CPM: variants seen among roughly 807,000 people sequenced by gnomAD.
CPM encodes the protein renal carboxypeptidase.
In CPM, 35 loss-of-function variants were observed where a neutral mutation model predicts 46.4. The observed-to-expected ratio is 0.75, with a 90% CI of 0.58 to 1.00. CPM has a LOEUF of 1.00. Ranked by LOEUF, CPM falls within the 50% of genes least tolerant of loss-of-function variation. The probability of loss-of-function intolerance (pLI) is 0.00; values close to 1 mark genes in which losing one functional copy is unlikely to be tolerated. For synonymous variants in CPM, 195 were observed against 195.3 expected (o/e 1.00, Z 0.01); for missense variants, 422 against 530.4 (o/e 0.80, Z 2.01).
At chr12:68,918,335 T>C (rs1204120770) in intron 2 of CPM, among the ~76,000 whole-genome samples, 2 of 152,196 alleles carry the variant, frequency 1.3e-5, no homozygotes, top group Admixed American at 6.5e-5. Flanking sequence ...ACCATTTCTA[T>C]GTTGATGACT....
chr12:68,950,266 TC>T (rs1212611654), intron 1 of CPM, among the ~76,000 whole-genome samples: 1 of 152,182 alleles, frequency 6.6e-6, no homozygotes, highest in Non-Finnish European at 1.5e-5. Flanking sequence ...CTAAGGTATA[TC>T]TTCATTCGCC....
intron 6 of CPM, 103 bp from the exon 7 acceptor site, chr12:68,867,151 G>A: frequency 2.6e-6 from 3 of 1,150,340 alleles, no homozygotes; most frequent in Admixed American, 2.1e-5. Context: ...CATGTAAACA[G>A]GAAAAAATGA....
chr12:68,886,020 T>A, intron 2 of CPM, 131 bp from the exon 3 acceptor site: 1 of 668,822 alleles, frequency 1.5e-6, no homozygotes, highest in Non-Finnish European at 2.6e-6. Context: ...CTTAAGTTTG[T>A]ATGACTAACA....
chr12:68,931,054 G>A (rs187204477), intron 2 of CPM, among the ~76,000 whole-genome samples: 30 of 152,270 alleles, frequency 2.0e-4, no homozygotes, highest in Non-Finnish European at 4.3e-4. Context: ...TTCAAGATAT[G>A]ATTTCTCACA....
intron 1 of CPM, among the ~76,000 whole-genome samples, chr12:68,940,085 T>C (rs1888736915): frequency 6.6e-6 from 1 of 151,854 alleles, no homozygotes; most frequent in Admixed American, 6.5e-5. Flanking sequence ...CTATTTTTAT[T>C]TCTTTGGTAT....
At chr12:68,908,487 CT>C (rs1437501253) in intron 2 of CPM, among the ~76,000 whole-genome samples, 2 of 151,692 alleles carry the variant, frequency 1.3e-5, no homozygotes, top group Non-Finnish European at 2.9e-5. Flanking sequence ...TGGACATCCA[CT>C]TTCTGAGTGT....
chr12:68,868,231 G>A (rs1336026143), intron 6 of CPM, among the ~76,000 whole-genome samples: 1 of 152,162 alleles, frequency 6.6e-6, no homozygotes, highest in Non-Finnish European at 1.5e-5. Flanking sequence ...GGTAGGAGAG[G>A]GGGCTGTATC....
intron 2 of CPM, among the ~76,000 whole-genome samples, chr12:68,901,523 C>T (rs1339784434): frequency 1.3e-5 from 2 of 152,196 alleles, no homozygotes; most frequent in African/African-American, 4.8e-5. Flanking sequence ...TATTAAACCT[C>T]TCTATTTGGA....
At chr12:68,843,603 G>C (rs1883997449) in intron 5 of CPM, 1 of 227,088 alleles carries the variant, frequency 4.4e-6, no homozygotes, top group African/African-American at 2.2e-5. Context: ...TATATACTTA[G>C]GTGAAGACAA....
chr12:68,880,976 T>C (rs1012866283), intron 3 of CPM, among the ~76,000 whole-genome samples: 14 of 152,216 alleles, frequency 9.2e-5, no homozygotes, highest in Admixed American at 6.5e-5. Context: ...CAATGACCTT[T>C]GCAAGAATAA....
intron 2 of CPM, among the ~76,000 whole-genome samples, chr12:68,904,745 G>A (rs1323557149): frequency 6.6e-6 from 1 of 152,180 alleles, no homozygotes; most frequent in African/African-American, 2.4e-5. Context: ...AAAGCAGAAG[G>A]CAGTCTGAAC....
chr12:68,956,923 T>G (rs1889029538), intron 1 of CPM, among the ~76,000 whole-genome samples: 1 of 152,238 alleles, frequency 6.6e-6, no homozygotes, highest in Admixed American at 6.5e-5. Flanking sequence ...AATCAGGTAC[T>G]GTTTCTACCC....
In CPM at chr12:68,855,023, AT is replaced by A. The variant is rs35952022; in HGVS notation, c.*1413del. 3.9e-3 allele frequency: 564 copies of A among 144,012 alleles called. No individual in the cohort carries two copies. Among genetic ancestry groups the A allele is most frequent in the Middle Eastern group, 7.1e-3 (2 of 282 alleles). The allele number at this position is 144,012 out of a possible 1,614,324, so 8.9% of individuals were successfully genotyped here. ...AGGCATGCACCACCACGCCCGACTAATTTTTTTTTTTTTTTTAGTAGAGATG... is the reference window on the plus strand; with the variant it reads ...AGGCATGCACCACCACGCCCGACTAATTTTTTTTTTTTTTTAGTAGAGATG... On this transcript the variant is annotated 3_prime_UTR_variant, in exon 9 of 9. Transcript: ENST00000551568.
At chr12:68,941,236 T>C (rs951964946) in intron 1 of CPM, among the ~76,000 whole-genome samples, 17 of 151,086 alleles carry the variant, frequency 1.1e-4, no homozygotes, top group Admixed American at 2.0e-4. Flanking sequence ...TGAGAAACAA[T>C]GTCAGGAAAA....
At chr12:68,877,779 AATG>A (rs1361044150) in intron 3 of CPM, among the ~76,000 whole-genome samples, 1 of 152,216 alleles carries the variant, frequency 6.6e-6, no homozygotes, top group Non-Finnish European at 1.5e-5. Flanking sequence ...GTTTTGGTTT[AATG>A]ATAAGTTGGG....
upstream of CPM, among the ~76,000 whole-genome samples, chr12:68,933,678 G>GAGCCAAGCTCCCAGCAGTGCC (rs1325249845): frequency 6.6e-6 from 1 of 152,198 alleles, no homozygotes; most frequent in Non-Finnish European, 1.5e-5. Flanking sequence ...CCGGCAGGGC[G>GAGCCAAGCTCCCAGCAGTGCC]AGCCAAGCTC....
chr12:68,868,875 T>G (rs1028874788), intron 6 of CPM, among the ~76,000 whole-genome samples: 5 of 152,184 alleles, frequency 3.3e-5, no homozygotes, highest in African/African-American at 9.6e-5. Context: ...CCCTGTTAGA[T>G]GGGATGTAAG....
At chr12:68,886,525 G>A (rs182032337) in intron 2 of CPM, among the ~76,000 whole-genome samples, 6 of 152,250 alleles carry the variant, frequency 3.9e-5, no homozygotes, top group Admixed American at 1.3e-4. Flanking sequence ...CCAGCTACTC[G>A]GGAGGCTGAG....
chr12:68,847,656 T>A (rs1348961207), downstream of CPM: 1 of 151,644 alleles, frequency 6.6e-6, no homozygotes, highest in Non-Finnish European at 1.5e-5. Flanking sequence ...GGTTTCACCG[T>A]GTTAGCCAAG....
Sources: gnomAD v4.1 joint callset for allele counts (sites outside exome capture counted in the v4.1 genomes callset) on GRCh38, gnomAD v4.1.1 for gene constraint, MANE v1.5 for transcripts, NCBI Gene and HGNC (gene_info 2026-07-23, HGNC 2026-07-21) for gene names.